ANXA13: variants seen among roughly 807,000 people sequenced by gnomAD.
ANXA13 encodes annexin A13, also known as annexin XIII.
In ANXA13, 36 loss-of-function variants were observed where a neutral mutation model predicts 46.6. The observed-to-expected ratio is 0.77, with a 90% CI of 0.59 to 1.02. ANXA13 has a LOEUF of 1.02. ANXA13 is among the 50% of genes least tolerant of loss of function. The pLI is 0.00. For missense variants in ANXA13, 417 were observed against 396.5 expected (o/e 1.05, Z -0.44); for synonymous variants, 163 against 152.9 (o/e 1.07, Z -0.49).
intron 1 of ANXA13, among the ~76,000 whole-genome samples, chr8:123,717,415 ATATT>A (rs1401307626): frequency 6.6e-6 from 1 of 152,204 alleles, no homozygotes; most frequent in Non-Finnish European, 1.5e-5. Context: ...TCAATTCTAC[ATATT>A]TAGATTTAAC....
Position 123,680,875 on chromosome 8 carries a change from T to G in ANXA13, c.*365A>C, listed in dbSNP as rs1350154914. The stretch of plus-strand genomic sequence containing the variant: ...AAGGAAAATTAATAAATTGTTTAAT[T>G]TTGTCTTTCCTGTACCTTACTTGTG... On this transcript the variant is annotated 3_prime_UTR_variant, in exon 11 of 11. Coordinates refer to ENST00000419625, the MANE Select transcript of ANXA13 (RefSeq NM_004306.4). The G allele has an allele frequency of 5.9e-6, 1 of 169,598 alleles. No homozygotes were observed. Among genetic ancestry groups the G allele is most frequent in the African/African-American group, 2.4e-5 (1 of 42,182 alleles). The allele number at this position is 169,598 out of a possible 1,614,324, so 10.5% of individuals were successfully genotyped here.
At chr8:123,693,835 A>G in intron 6 of ANXA13, 56 bp from the exon 7 acceptor site, 1 of 1,488,054 alleles carries the variant, frequency 6.7e-7, no homozygotes, top group Non-Finnish European at 9.4e-7. Flanking sequence ...CACAGAAAAC[A>G]AACTAACAAA....
rs181549389 is a variant in ANXA13 at position 123,701,272 on chromosome 8, C to T, written c.186+1370G>A. 1.6e-3 allele frequency among the ~76,000 whole-genome samples: 239 copies of T among 152,282 alleles called. 2 individuals are homozygous for T. Among genetic ancestry groups the T allele is most frequent in the African/African-American group, 5.3e-3 (219 of 41,572 alleles). On this transcript the variant is annotated intron_variant, in intron 3 of 10. Coordinates refer to ENST00000419625, the MANE Select transcript of ANXA13 (RefSeq NM_004306.4). ...AGATCACGAAGTCAGGAGTTTGAGA[C>T]TAGCCTGACCAAAATTAAAATACAA...
At chr8:123,734,180 C>T (rs1368680818) in intron 1 of ANXA13, among the ~76,000 whole-genome samples, 3 of 152,198 alleles carry the variant, frequency 2.0e-5, no homozygotes, top group Admixed American at 6.5e-5. Context: ...AATGGCTCTA[C>T]TAGGTCTCCC....
chr8:123,714,527 G>A (rs143517568), intron 1 of ANXA13, among the ~76,000 whole-genome samples: 54 of 152,298 alleles, frequency 3.5e-4, no homozygotes, highest in Non-Finnish European at 4.9e-4. Context: ...GGGCTTCCCC[G>A]TTTCATTAGC....
intron 1 of ANXA13, 77 bp downstream of exon 1, chr8:123,737,243 G>A (rs1814290569): frequency 2.2e-6 from 3 of 1,342,774 alleles, no homozygotes; most frequent in Non-Finnish European, 1.1e-6. Flanking sequence ...ACAAGTATCA[G>A]TCATGATTTT....
At chr8:123,731,148 T>C (rs898539582) in intron 1 of ANXA13, among the ~76,000 whole-genome samples, 2 of 152,214 alleles carry the variant, frequency 1.3e-5, no homozygotes, top group Admixed American at 6.5e-5. Flanking sequence ...TTTTTGATTC[T>C]GTAGATCTGG....
In ANXA13 at chr8:123,684,624, C is replaced by T. The variant is rs146940747; in HGVS notation, c.817G>A (p.Val273Met). Residue 273 changes from valine (V) to methionine (M), a missense_variant, in exon 10 of 11, where the codon GTG becomes ATG. Physicochemically the swap from Val to Met is conservative, Grantham distance 21 (BLOSUM62 1). Transcript: ENST00000419625. ...TDEETLIRIV[V>M]TRAEVDLQGI... ...GTGTGTCTTACCTCGGCCCTGGTCA[C>T]GACTATGCGAATCAACGTCTCCTCA... 1.2e-4 allele frequency: 193 copies of T among 1,613,672 alleles called. 3 individuals are homozygous for T. The African/African-American group carries it at 1.3e-3, about 11-fold the overall frequency.
chr8:123,702,498 T>C, intron 3 of ANXA13, 144 bp downstream of exon 3: 1 of 648,586 alleles, frequency 1.5e-6, no homozygotes, highest in African/African-American at 1.8e-5. Flanking sequence ...ACTCCATTAA[T>C]GCTTTTAAGT....
chr8:123,688,638 A>C (rs3739282), intron 9 of ANXA13, among the ~76,000 whole-genome samples: 44,172 of 151,984 alleles, frequency 0.29, 6,651 homozygotes, highest in Admixed American at 0.39. Context: ...TGTGGGGTGC[A>C]AAAGCCTGGC....
At chr8:123,689,614 A>G (rs1813197855) in intron 8 of ANXA13, among the ~76,000 whole-genome samples, 1 of 152,194 alleles carries the variant, frequency 6.6e-6, no homozygotes, top group African/African-American at 2.4e-5. Flanking sequence ...ACTGGCTCAC[A>G]TATTGCTCTG....
chr8:123,701,318 AAATT>A (rs1813443183), intron 3 of ANXA13, among the ~76,000 whole-genome samples: 1 of 152,120 alleles, frequency 6.6e-6, no homozygotes, highest in African/African-American at 2.4e-5. Flanking sequence ...AAAAACACAA[AAATT>A]AGCTGGGCAT....
At chr8:123,709,470 C>CT (rs1420575507) in intron 2 of ANXA13, among the ~76,000 whole-genome samples, 1 of 151,928 alleles carries the variant, frequency 6.6e-6, no homozygotes, top group East Asian at 1.9e-4. Flanking sequence ...TTCCTCCCCC[C>CT]ATTCTCTAGC....
intron 2 of ANXA13, among the ~76,000 whole-genome samples, chr8:123,709,177 C>T (rs557188121): frequency 5.9e-5 from 9 of 152,286 alleles, no homozygotes; most frequent in African/African-American, 1.7e-4. Flanking sequence ...CACATTGTTC[C>T]AAAGGAGGCG....
chr8:123,722,966 G>T (rs1813913525), intron 1 of ANXA13, among the ~76,000 whole-genome samples: 1 of 152,200 alleles, frequency 6.6e-6, no homozygotes, highest in Non-Finnish European at 1.5e-5. Flanking sequence ...GTACGAGGGG[G>T]CTGAATTTTA....
intron 1 of ANXA13, among the ~76,000 whole-genome samples, chr8:123,732,980 C>T (rs920761437): frequency 2.0e-5 from 3 of 152,062 alleles, no homozygotes; most frequent in Non-Finnish European, 4.4e-5. Context: ...TGGGACCAGC[C>T]TGGGCAACAT....
At chr8:123,726,763 T>C (rs1488371951) in intron 1 of ANXA13, among the ~76,000 whole-genome samples, 1 of 152,208 alleles carries the variant, frequency 6.6e-6, no homozygotes, top group African/African-American at 2.4e-5. Context: ...TGCATATTAA[T>C]AGCAGCACAA....
At chr8:123,709,993 A>T (rs1362651927) in intron 2 of ANXA13, among the ~76,000 whole-genome samples, 1 of 152,180 alleles carries the variant, frequency 6.6e-6, no homozygotes, top group Non-Finnish European at 1.5e-5. Context: ...TCCTGACCTC[A>T]GGTGATCCAC....
intron 1 of ANXA13, among the ~76,000 whole-genome samples, chr8:123,724,386 G>A (rs2129930177): frequency 6.6e-6 from 1 of 152,310 alleles, no homozygotes; most frequent in East Asian, 1.9e-4. Context: ...CTGATCCTAT[G>A]AAATCAGAAT....
Sources: gnomAD v4.1 joint callset for allele counts (sites outside exome capture counted in the v4.1 genomes callset) on GRCh38, gnomAD v4.1.1 for gene constraint, MANE v1.5 for transcripts, NCBI Gene and HGNC (gene_info 2026-07-23, HGNC 2026-07-21) for gene names.